The following MAPRE2 variants were observed in gnomAD, a reference collection of about 807,000 sequenced individuals.
MAPRE2 encodes microtubule associated protein RP/EB family member 2.
Under a neutral mutation model 43.2 loss-of-function variants are expected in MAPRE2, and 13 were observed. The observed-to-expected ratio is 0.30, with a 90% CI of 0.20 to 0.48. The LOEUF is 0.48. MAPRE2 is among the 20% of genes least tolerant of loss of function. MAPRE2 has a pLI of 0.99. For missense variants in MAPRE2, 161 were observed against 400.2 expected (o/e 0.40, Z 5.10); for synonymous variants, 135 against 148.8 (o/e 0.91, Z 0.68).
intron 1 of MAPRE2, among the ~76,000 whole-genome samples, chr18:34,982,859 T>A (rs532600074): frequency 5.9e-5 from 9 of 152,278 alleles, no homozygotes; most frequent in East Asian, 1.9e-4. Context: ...GGTTTTTATA[T>A]TTTTTTAGTC....
upstream of MAPRE2, among the ~76,000 whole-genome samples, chr18:35,037,115 C>G (rs968346395): frequency 3.3e-5 from 5 of 151,964 alleles, no homozygotes; most frequent in Non-Finnish European, 7.4e-5. Context: ...ATTATTTTTA[C>G]CCTTGCTCAC....
intron 1 of MAPRE2, among the ~76,000 whole-genome samples, chr18:34,985,304 G>GTATATATTATTTTATATATATAATATAA (rs1568961515): frequency 1.4e-4 from 1 of 7,094 alleles, no homozygotes; most frequent in African/African-American, 4.3e-4. Flanking sequence ...ATTATATATT[G>GTATATATTATTTTATATATATAATATAA]TATATATTAT....
intron 6 of MAPRE2, among the ~76,000 whole-genome samples, chr18:35,137,735 A>C (rs1181845574): frequency 6.6e-6 from 1 of 152,158 alleles, no homozygotes; most frequent in African/African-American, 2.4e-5. Context: ...ATGTGTAGCC[A>C]CCCAGCAAGA....
intron 1 of MAPRE2, among the ~76,000 whole-genome samples, chr18:35,062,251 T>C (rs770829615): frequency 3.9e-5 from 6 of 152,230 alleles, no homozygotes; most frequent in Non-Finnish European, 8.8e-5. Context: ...AGAAAAACTT[T>C]TGAGGTTTCT....
intron 4 of MAPRE2, among the ~76,000 whole-genome samples, chr18:35,117,945 C>G (rs2144217613): frequency 6.6e-6 from 1 of 152,006 alleles, no homozygotes; most frequent in South Asian, 2.1e-4. Context: ...TGCATTTTTC[C>G]CCCTGTGAAA....
chr18:35,028,253 C>T (rs764387021), intron 2 of MAPRE2, among the ~76,000 whole-genome samples: 7 of 152,134 alleles, frequency 4.6e-5, no homozygotes, highest in Non-Finnish European at 7.3e-5. Flanking sequence ...AGGCAGGAAC[C>T]TAGGTTTATA....
At chr18:35,119,484 A>G (rs563644658) in intron 4 of MAPRE2, among the ~76,000 whole-genome samples, 13 of 152,350 alleles carry the variant, frequency 8.5e-5, no homozygotes, top group Middle Eastern at 3.4e-3. Flanking sequence ...CACAAGGACA[A>G]GCATCTTGTG....
chr18:35,034,945 T>G (rs1297857928), intron 2 of MAPRE2, among the ~76,000 whole-genome samples: 4 of 151,952 alleles, frequency 2.6e-5, no homozygotes, highest in Admixed American at 6.6e-5. Flanking sequence ...ATTGTGGAAG[T>G]CAGTGTGGTG....
intron 1 of MAPRE2, among the ~76,000 whole-genome samples, chr18:35,048,200 G>C (rs1905735597): frequency 6.6e-6 from 1 of 152,064 alleles, no homozygotes; most frequent in African/African-American, 2.4e-5. Context: ...GGGAGTGGAG[G>C]GGGAGGTGCC....
intron 2 of MAPRE2, among the ~76,000 whole-genome samples, chr18:35,030,068 A>AT (rs953735681): frequency 6.6e-6 from 1 of 152,152 alleles, no homozygotes; most frequent in Non-Finnish European, 1.5e-5. Flanking sequence ...CAAGAAAATT[A>AT]TTTTTTTCTC....
At chr18:35,129,138 G>A (rs982952740) in intron 5 of MAPRE2, among the ~76,000 whole-genome samples, 1 of 152,144 alleles carries the variant, frequency 6.6e-6, no homozygotes. Flanking sequence ...CCTTCACACC[G>A]AGGAATGTGC....
rs997436568 is a variant in MAPRE2 at position 34,999,209 on chromosome 18, C to T, written c.-69-6283C>T. The stretch of plus-strand genomic sequence containing the variant: ...GAGGAGAGGAGCTATTCTATGCTTA[C>T]GACTCTATTTTCAAAAATATCTGAT... On this transcript the variant is annotated intron_variant, in intron 1 of 7. Transcript: ENST00000413393. Among the ~76,000 whole-genome samples, 4 of 151,988 alleles carry T rather than the reference C, an allele frequency of 2.6e-5. 1 individual carries two copies. The South Asian group carries it at 6.2e-4, about 24-fold the overall frequency.
At chr18:35,080,039 T>C (rs1244532310) in intron 2 of MAPRE2, among the ~76,000 whole-genome samples, 1 of 152,236 alleles carries the variant, frequency 6.6e-6, no homozygotes, top group Non-Finnish European at 1.5e-5. Flanking sequence ...AAAAGCTTTT[T>C]GTCTTACCCT....
chr18:34,988,063 G>A (rs2097021912), intron 1 of MAPRE2, among the ~76,000 whole-genome samples: 1 of 152,132 alleles, frequency 6.6e-6, no homozygotes, highest in Non-Finnish European at 1.5e-5. Context: ...CAGATCACCA[G>A]CAAATCTCTT....
chr18:35,082,394 C>T (rs1382418283), intron 2 of MAPRE2, among the ~76,000 whole-genome samples: 1 of 152,100 alleles, frequency 6.6e-6, no homozygotes, highest in African/African-American at 2.4e-5. Context: ...GGTTTGCCTA[C>T]CAAATTAGTT....
intron 1 of MAPRE2, among the ~76,000 whole-genome samples, chr18:35,049,474 G>A (rs546510258): frequency 7.2e-5 from 11 of 152,202 alleles, no homozygotes; most frequent in Non-Finnish European, 1.3e-4. Flanking sequence ...CAGACTTACC[G>A]AGTTCCTTTA....
intron 2 of MAPRE2, among the ~76,000 whole-genome samples, chr18:35,070,962 C>G (rs546357467): frequency 6.6e-6 from 1 of 152,296 alleles, no homozygotes; most frequent in African/African-American, 2.4e-5. Context: ...CCCAGCCTCG[C>G]AGGCTCCGTG....
At chr18:35,131,431 G>A (rs1017168166) in intron 5 of MAPRE2, among the ~76,000 whole-genome samples, 1 of 152,102 alleles carries the variant, frequency 6.6e-6, no homozygotes, top group African/African-American at 2.4e-5. Context: ...CTGGAGACTG[G>A]GATGTCCAAG....
At chr18:35,092,338 G>C (rs1908191925) in intron 2 of MAPRE2, among the ~76,000 whole-genome samples, 1 of 152,144 alleles carries the variant, frequency 6.6e-6, no homozygotes, top group African/African-American at 2.4e-5. Context: ...ACTGATTTTT[G>C]ACCACAGTGC....
Sources: gnomAD v4.1 joint callset for allele counts (sites outside exome capture counted in the v4.1 genomes callset) on GRCh38, gnomAD v4.1.1 for gene constraint, MANE v1.5 for transcripts, NCBI Gene and HGNC (gene_info 2026-07-23, HGNC 2026-07-21) for gene names.